RABL6: variants seen among roughly 807,000 people sequenced by gnomAD.
The protein encoded by RABL6 is rab-like protein 6.
Under a neutral mutation model 72.9 loss-of-function variants are expected in RABL6, and 28 were observed. That is an observed-to-expected ratio of 0.38 (90% confidence interval 0.28 to 0.53). RABL6 has a LOEUF of 0.53. Among genes scored for constraint, RABL6 ranks in the 20% least tolerant of loss-of-function variants. The pLI, the probability that RABL6 is intolerant of heterozygous loss-of-function variation, is 0.80. For missense variants in RABL6, 1,029 were observed against 1,008.4 expected (o/e 1.02, Z -0.28); for synonymous variants, 477 against 421.2 (o/e 1.13, Z -1.62).
At chr9:136,835,352 G>A (rs571392109) in intron 7 of RABL6, 12 of 167,062 alleles carry the variant, frequency 7.2e-5, no homozygotes, top group South Asian at 6.4e-4. Context: ...CGCGTGCACC[G>A]GGGATGTGTC....
chr9:136,821,943 C>T (rs1160495619), intron 1 of RABL6: 1 of 1,288,822 alleles, frequency 7.8e-7, no homozygotes, highest in Non-Finnish European at 1.0e-6. Context: ...TTTGCCGCAG[C>T]GCTGGCCGGC....
intron 1 of RABL6, among the ~76,000 whole-genome samples, chr9:136,818,081 A>AG (rs1848156609): frequency 6.7e-6 from 1 of 148,206 alleles, no homozygotes; most frequent in Admixed American, 6.7e-5. Flanking sequence ...AAAAAAAAAA[A>AG]TGACGGGCAC....
At chr9:136,822,746 C>T (rs1272426421) in intron 1 of RABL6, among the ~76,000 whole-genome samples, 1 of 152,220 alleles carries the variant, frequency 6.6e-6, no homozygotes, top group East Asian at 1.9e-4. Flanking sequence ...CCGGCACACA[C>T]GCGTTGTGCG....
intron 1 of RABL6, among the ~76,000 whole-genome samples, chr9:136,819,717 C>T (rs1399019466): frequency 6.6e-6 from 1 of 152,074 alleles, no homozygotes; most frequent in Admixed American, 6.6e-5. Flanking sequence ...GAAGGGTTAC[C>T]GCAGGCTCAG....
In RABL6 at chr9:136,839,424, C is replaced by G; in HGVS notation, c.1696C>G (p.Leu566Val). 1.2e-6 allele frequency: 2 copies of G among 1,612,614 alleles called. No homozygotes were observed. The highest frequency in any genetic ancestry group is 1.7e-6 in the Non-Finnish European group (2 of 1,179,748). ...CGAGGGACCCATTGCTGCACAAATG[C>G]TGTCCTTCGTCATGGATGACCCCGA... ...DPEGPIAAQM[L>V]SFVMDDPDFE... is the part of the protein sequence containing the mutation. The change falls in exon 12 of 15, where the codon CTG (leucine) becomes GTG (valine). Residue 566 changes from leucine (L) to valine (V), a missense_variant. Physicochemically the swap from Leu to Val is conservative, Grantham distance 32. Around this residue, in one of 2 missense-constraint regions of RABL6, gnomAD observed 595 missense variants for 472.4 expected, o/e 1.26. Coordinates refer to ENST00000311502, the MANE Select transcript of RABL6 (RefSeq NM_024718.5).
Position 136,822,967 on chromosome 9 carries a change from A to G in RABL6, c.131-558A>G, listed in dbSNP as rs192025016. Among the ~76,000 whole-genome samples, 1,022 of 152,138 alleles carry G rather than the reference A, an allele frequency of 6.7e-3. 5 individuals carry two copies. The highest frequency in any genetic ancestry group is 0.023 in the African/African-American group (973 of 41,494). On this transcript the variant is annotated intron_variant, in intron 1 of 14. Transcript: ENST00000311502. The stretch of plus-strand genomic sequence containing the variant: ...GCTGGACATGGTGGCGGGCGCCTGT[A>G]GTCCCAGCTACTCGGGAGGCTGAGA...
chr9:136,835,548 C>CATTA, intron 7 of RABL6, 194 bp from the exon 8 acceptor site: 1 of 558,904 alleles, frequency 1.8e-6, no homozygotes, highest in South Asian at 2.4e-5. Flanking sequence ...CCGGCCACCG[C>CATTA]AGAGGAATCC....
intron 1 of RABL6, among the ~76,000 whole-genome samples, chr9:136,817,646 G>A (rs904860564): frequency 6.7e-6 from 1 of 149,150 alleles, no homozygotes; most frequent in Non-Finnish European, 1.5e-5. Context: ...CTTGAGAGCC[G>A]TGTGACTGGC....
intron 2 of RABL6, among the ~76,000 whole-genome samples, chr9:136,824,626 C>T (rs1564364376): frequency 6.6e-6 from 1 of 151,792 alleles, no homozygotes; most frequent in Non-Finnish European, 1.5e-5. Context: ...ACCACTCCCA[C>T]CCAGGGCTGT....
chr9:136,808,344 G>C lies in RABL6; in HGVS notation c.130+18G>C, dbSNP rs758761241. The C allele has an allele frequency of 6.0e-5, 90 of 1,500,000 alleles. No homozygotes were observed. The highest frequency in any genetic ancestry group is 7.3e-5 in the Non-Finnish European group (82 of 1,126,172). The allele number at this position is 1,500,000 out of a possible 1,614,324, so 92.9% of individuals were successfully genotyped here. A position where few individuals can be genotyped will look rare whatever the true frequency, so the allele number is the denominator to read the frequency against. On this transcript the variant is annotated intron_variant, in intron 1 of 14. Coordinates refer to ENST00000311502, the MANE Select transcript of RABL6 (RefSeq NM_024718.5). ...GTACAACAGTGAGTGCGGCGGGCCG[G>C]GGGGGCGCGGGAGCGCCGCGCGGGT...
At chr9:136,808,449 C>T (rs1337203553) in intron 1 of RABL6, 123 bp downstream of exon 1, 4 of 1,094,104 alleles carry the variant, frequency 3.7e-6, no homozygotes, top group Non-Finnish European at 4.6e-6. Context: ...GCGCTGGGCC[C>T]GCCGGGCGCT....
chr9:136,841,068 G>C lies in RABL6; in HGVS notation c.*546G>C, dbSNP rs888670342. The C allele has an allele frequency of 2.1e-6, 3 of 1,412,582 alleles. No individual in the cohort carries two copies. The highest frequency in any genetic ancestry group is 2.6e-5 in the East Asian group (1 of 38,220). 87.5% of individuals were successfully genotyped at this position (1,412,582 alleles called of 1,614,324 possible). A position where few individuals can be genotyped will look rare whatever the true frequency, so the allele number is the denominator to read the frequency against. On this transcript the variant is annotated 3_prime_UTR_variant, in exon 15 of 15. Coordinates refer to ENST00000311502, the MANE Select transcript of RABL6 (RefSeq NM_024718.5). Reference sequence around the variant, plus strand: ...TGTGAGGCCTCTCCTGGGAGTGGGGGTTGTGTTTCCCACAGTGGCCTCAGC... The same window carrying C: ...TGTGAGGCCTCTCCTGGGAGTGGGGCTTGTGTTTCCCACAGTGGCCTCAGC...
At chr9:136,822,064 G>C (rs1848249411) in intron 1 of RABL6, 1 of 1,289,452 alleles carries the variant, frequency 7.8e-7, no homozygotes, top group Non-Finnish European at 1.0e-6. Context: ...CAGGTGCCTT[G>C]AGGTAGAGGG....
Position 136,837,403 on chromosome 9 carries a change from C to T in RABL6, c.867C>T (p.Asn289=), listed in dbSNP as rs374147430. Residue 289 remains asparagine (N), a synonymous_variant, in exon 9 of 15, where the codon AAC becomes AAT. Transcript: ENST00000311502. The part of the protein sequence containing the change: ...SRGHASPLAA[N]GQSPSPGSQS... ...GCCATGCGTCCCCACTGGCGGCCAA[C>T]GGGCAGAGCCCATCCCCGGGCTCCC... The T allele has an allele frequency of 2.3e-5, 36 of 1,594,710 alleles. No individual in the cohort carries two copies. The African/African-American group carries it at 3.2e-4, about 14-fold the overall frequency.
chr9:136,832,763 G>C (rs1848504540), intron 7 of RABL6: 1 of 339,408 alleles, frequency 2.9e-6, no homozygotes, highest in South Asian at 2.5e-5. Context: ...CCAAAGTGCT[G>C]GGATGCCAGG....
intron 1 of RABL6, among the ~76,000 whole-genome samples, chr9:136,811,531 T>A (rs1848011442): frequency 6.6e-6 from 1 of 150,768 alleles, no homozygotes; most frequent in African/African-American, 2.4e-5. Flanking sequence ...GGCGGGAGAA[T>A]CGCTTGAGCC....
intron 7 of RABL6, chr9:136,833,865 T>G (rs1171364081): frequency 6.4e-7 from 1 of 1,550,546 alleles, no homozygotes; most frequent in South Asian, 1.2e-5. Flanking sequence ...CCGGCACTGC[T>G]GGGGAGGCCC....
chr9:136,821,877 C>T, intron 1 of RABL6: 1 of 1,265,352 alleles, frequency 7.9e-7, no homozygotes, highest in Non-Finnish European at 1.0e-6. Context: ...CTGGCTGCCC[C>T]CAGCCGGTGC....
chr9:136,829,583 T>G (rs1251298793), intron 5 of RABL6, 99 bp downstream of exon 5: 26 of 1,104,326 alleles, frequency 2.4e-5, no homozygotes, highest in African/African-American at 4.7e-5. Context: ...AGCAGCATCG[T>G]TCTGCAGGAC....
Sources: gnomAD v4.1 joint callset for allele counts (sites outside exome capture counted in the v4.1 genomes callset) on GRCh38, gnomAD v4.1.1 for gene constraint, gnomAD v4.1.1 regional missense constraint, MANE v1.5 for transcripts, NCBI Gene and HGNC (gene_info 2026-07-23, HGNC 2026-07-21) for gene names.